TANGO6: variants seen among roughly 807,000 people sequenced by gnomAD.
The protein encoded by TANGO6 is transport and Golgi organization protein 6 homolog.
TANGO6 carries 90 observed loss-of-function variants against 114.2 expected under a neutral mutation model. The observed-to-expected ratio is 0.79, with a 90% CI of 0.66 to 0.94. TANGO6 has a LOEUF of 0.94. Ranked by LOEUF, TANGO6 falls within the 40% of genes least tolerant of loss-of-function variation. TANGO6 has a pLI of 0.00. For missense variants in TANGO6, 1,274 were observed against 1,315.3 expected (o/e 0.97, Z 0.49); for synonymous variants, 477 against 509.8 (o/e 0.94, Z 0.87).
At chr16:69,007,547 G>C (rs1964104178) in intron 15 of TANGO6, among the ~76,000 whole-genome samples, 1 of 152,090 alleles carries the variant, frequency 6.6e-6, no homozygotes, top group Non-Finnish European at 1.5e-5. Flanking sequence ...TTACAGGAGT[G>C]AGCCACTGTG....
chr16:68,958,922 A>C (rs997655075), intron 14 of TANGO6, among the ~76,000 whole-genome samples: 1 of 152,156 alleles, frequency 6.6e-6, no homozygotes, highest in South Asian at 2.1e-4. Flanking sequence ...TGGTTATCAG[A>C]GTAAGACCCT....
At position 68,867,092 on chromosome 16, in the gene TANGO6, T is replaced by A; in HGVS notation, c.866T>A (p.Val289Glu). 1 of 1,612,628 alleles carries A rather than the reference T, an allele frequency of 6.2e-7. No homozygotes were observed. Among genetic ancestry groups the A allele is most frequent in the Non-Finnish European group, 8.5e-7 (1 of 1,179,424 alleles). ...TCTTTTTCTCAGTCCTGCACAGATG[T>A]GAAGACACAGATGAGGTGTCGGGCC... ...QGGPPQSCTD[V>E]KTQMRCRAPA... The change falls in exon 4 of 18, where the codon GTG becomes GAG. Residue 289 changes from valine (V) to glutamate (E), a missense_variant. By Grantham distance (121) the Val-to-Glu change is moderately radical. Transcript: ENST00000261778.
At chr16:69,045,680 T>C (rs1419694620) in intron 17 of TANGO6, among the ~76,000 whole-genome samples, 1 of 150,674 alleles carries the variant, frequency 6.6e-6, no homozygotes, top group East Asian at 1.9e-4. Context: ...GAGGCAGAGG[T>C]TGCAGTGAGC....
At chr16:68,963,630 T>G (rs1383987682) in intron 14 of TANGO6, among the ~76,000 whole-genome samples, 1 of 152,226 alleles carries the variant, frequency 6.6e-6, no homozygotes, top group African/African-American at 2.4e-5. Flanking sequence ...TGCACACGCA[T>G]AGGTACACAC....
At chr16:68,846,419 T>G (rs1268077386) in intron 1 of TANGO6, 1 of 257,664 alleles carries the variant, frequency 3.9e-6, no homozygotes, top group Non-Finnish European at 7.8e-6. Context: ...AAACCTAGAC[T>G]CACATAGATA....
chr16:68,878,654 T>TA (rs1962408855), intron 6 of TANGO6, among the ~76,000 whole-genome samples: 1 of 152,198 alleles, frequency 6.6e-6, no homozygotes, highest in Admixed American at 6.6e-5. Context: ...ACAAGGCGAT[T>TA]ACCACACTCA....
intron 14 of TANGO6, among the ~76,000 whole-genome samples, chr16:68,959,373 GGT>G (rs1963566193): frequency 6.6e-6 from 1 of 152,078 alleles, no homozygotes; most frequent in Non-Finnish European, 1.5e-5. Context: ...TGGATCATGA[GGT>G]CAGGAGTTCG....
chr16:68,951,349 CA>C (rs1345879383), intron 14 of TANGO6, among the ~76,000 whole-genome samples: 11 of 142,724 alleles, frequency 7.7e-5, no homozygotes, highest in Non-Finnish European at 1.5e-4. Flanking sequence ...GGGGGTTGGG[CA>C]AATATAAAGT....
intron 14 of TANGO6, among the ~76,000 whole-genome samples, chr16:68,930,962 G>A (rs1438761644): frequency 6.6e-6 from 1 of 152,046 alleles, no homozygotes; most frequent in Non-Finnish European, 1.5e-5. Context: ...ATGCACCTTT[G>A]CTCTCTCGTT....
chr16:68,874,981 A>C (rs1962332340), intron 4 of TANGO6, among the ~76,000 whole-genome samples, 173 bp from the exon 5 acceptor site: 1 of 152,120 alleles, frequency 6.6e-6, no homozygotes, highest in Admixed American at 6.6e-5. Flanking sequence ...AATAAGAAAT[A>C]AAAAACATAA....
chr16:68,947,232 C>G (rs913080753), intron 14 of TANGO6, among the ~76,000 whole-genome samples: 1 of 152,002 alleles, frequency 6.6e-6, no homozygotes, highest in Non-Finnish European at 1.5e-5. Context: ...CCGAGGCAGG[C>G]GGATCACGAG....
At chr16:68,848,541 A>G (rs557954470) in intron 1 of TANGO6, among the ~76,000 whole-genome samples, 21 of 152,220 alleles carry the variant, frequency 1.4e-4, no homozygotes, top group African/African-American at 5.1e-4. Flanking sequence ...AATTGAAACT[A>G]TAATTAGGTA....
At position 68,995,887 on chromosome 16, in the gene TANGO6, C is replaced by CTT. The variant is rs534924944; in HGVS notation, c.2842+21721_2842+21722dup. ...AGGGATGAGCCCCTTCTAAATTTTA[C>CTT]TTTCTTATTTGTGATACAGGGTTAA... is the stretch of plus-strand genomic sequence containing the variant. On this transcript the variant is annotated intron_variant, in intron 15 of 17. Transcript: ENST00000261778. Among the ~76,000 whole-genome samples, 9 of 152,322 alleles carry CTT rather than the reference C, an allele frequency of 5.9e-5. No homozygotes were observed. The South Asian group carries it at 1.0e-3, about 18-fold the overall frequency.
chr16:68,861,459 C>G (rs942830307), intron 2 of TANGO6, among the ~76,000 whole-genome samples: 3 of 152,188 alleles, frequency 2.0e-5, no homozygotes, highest in Non-Finnish European at 4.4e-5. Context: ...AAATTCTGAG[C>G]TCCCTGGGGC....
At chr16:68,901,712 T>C in intron 8 of TANGO6, among the ~76,000 whole-genome samples, 1 of 152,114 alleles carries the variant, frequency 6.6e-6, no homozygotes, top group East Asian at 1.9e-4. Context: ...GGTCTCGAAC[T>C]CCTGACCTCA....
rs757906459 is a variant in TANGO6, at chr16:68,859,899, C to T, written c.110C>T (p.Ser37Leu). Reference protein sequence around the residue: ...LLSPGGSGSSSLQVTKHDVLL... With the variant: ...LLSPGGSGSSLLQVTKHDVLL... ...TCTTCAAAAGGCTCGGGCTCAAGTT[C>T]ACTACAGGTCACAAAACATGATGTC... is the stretch of plus-strand genomic sequence containing the variant. The change falls in exon 2 of 18, where the codon TCA (serine) becomes TTA (leucine). Residue 37 changes from serine to leucine, a missense_variant. By Grantham distance (145) the Ser-to-Leu change is moderately radical. Coordinates refer to ENST00000261778, the MANE Select transcript of TANGO6 (RefSeq NM_024562.2). 2.5e-6 allele frequency: 4 copies of T among 1,579,098 alleles called. No individual in the cohort carries two copies. The South Asian group carries it at 4.7e-5, about 19-fold the overall frequency.
intron 17 of TANGO6, among the ~76,000 whole-genome samples, chr16:69,063,114 G>A (rs1311587271): frequency 2.6e-5 from 4 of 151,616 alleles, no homozygotes; most frequent in African/African-American, 9.7e-5. Flanking sequence ...TGTAGTCCCA[G>A]CTACTTGGGA....
chr16:69,059,710 G>A (rs1435705630), intron 17 of TANGO6, among the ~76,000 whole-genome samples: 4 of 151,884 alleles, frequency 2.6e-5, no homozygotes, highest in African/African-American at 4.8e-5. Flanking sequence ...TAGTAGAGAC[G>A]AGGTTTCACC....
intron 17 of TANGO6, among the ~76,000 whole-genome samples, chr16:69,065,763 C>T (rs1960205923): frequency 6.6e-6 from 1 of 152,162 alleles, no homozygotes; most frequent in Non-Finnish European, 1.5e-5. Flanking sequence ...TACTGACCGT[C>T]CTGACGCTTT....
Sources: gnomAD v4.1 joint callset for allele counts (sites outside exome capture counted in the v4.1 genomes callset) on GRCh38, gnomAD v4.1.1 for gene constraint, MANE v1.5 for transcripts, NCBI Gene and HGNC (gene_info 2026-07-23, HGNC 2026-07-21) for gene names.